Variants in KDM4C observed in about 807,000 individuals in gnomAD.
KDM4C encodes the protein lysine demethylase 4C.
A neutral mutation model predicts 129.3 loss-of-function variants in KDM4C; 81 were observed. That is an observed-to-expected ratio of 0.63 (90% CI 0.52 to 0.75). The LOEUF is 0.75. KDM4C is among the 30% of genes least tolerant of loss of function. The pLI is 0.00. For synonymous variants in KDM4C, 573 were observed against 456.1 expected (o/e 1.26, Z -3.26); for missense variants, 1,457 against 1,304.0 (o/e 1.12, Z -1.81).
At chr9:7,083,092 G>A (rs1364802792) in intron 17 of KDM4C, among the ~76,000 whole-genome samples, 2 of 152,130 alleles carry the variant, frequency 1.3e-5, no homozygotes, top group East Asian at 1.9e-4. Context: ...AACAGTTCAG[G>A]AACATTTCCT....
At chr9:7,161,252 AGGAATT>A (rs1843755232) in intron 19 of KDM4C, among the ~76,000 whole-genome samples, 1 of 152,136 alleles carries the variant, frequency 6.6e-6, no homozygotes, top group Non-Finnish European at 1.5e-5. Context: ...TCCCTTGGCT[AGGAATT>A]GGAAATCCCC....
intron 19 of KDM4C, among the ~76,000 whole-genome samples, chr9:7,140,940 G>C (rs1258634367): frequency 1.3e-5 from 2 of 152,176 alleles, no homozygotes; most frequent in African/African-American, 4.8e-5. Flanking sequence ...GATCTGTAAG[G>C]TGAGTTCACT....
Position 6,758,752 on chromosome 9 carries a change from T to C in KDM4C, c.-18+549T>C, listed in dbSNP as rs1818800449. 6.6e-6 allele frequency among the ~76,000 whole-genome samples: 1 copy of C among 152,220 alleles called. No individual in the cohort carries two copies. The highest frequency in any genetic ancestry group is 2.4e-5 in the African/African-American group (1 of 41,466). Reference sequence around the variant, plus strand: ...GTTTCTTTCCCCCGGCATGGGGCCATTTCTTCCTGCAGTGCCTGGAGGAAC... The same window carrying C: ...GTTTCTTTCCCCCGGCATGGGGCCACTTCTTCCTGCAGTGCCTGGAGGAAC... On this transcript the variant is annotated intron_variant, in intron 1 of 21. Coordinates refer to ENST00000381309, the MANE Select transcript of KDM4C (RefSeq NM_015061.6). The surrounding 1 kb of genome is among the most constrained non-coding windows in gnomAD (Gnocchi z 4.6).
At chr9:7,001,486 A>C (rs1187302338) in intron 12 of KDM4C, among the ~76,000 whole-genome samples, 1 of 152,230 alleles carries the variant, frequency 6.6e-6, no homozygotes, top group Non-Finnish European at 1.5e-5. Flanking sequence ...TGACAGGACC[A>C]TGTAATGTAT....
chr9:6,813,228 A>G, intron 3 of KDM4C, among the ~76,000 whole-genome samples: 1 of 152,194 alleles, frequency 6.6e-6, no homozygotes, highest in East Asian at 1.9e-4. Context: ...TTTAGAAAAT[A>G]GAGGGTCTCA....
chr9:7,057,219 G>T (rs530100937), intron 17 of KDM4C, among the ~76,000 whole-genome samples: 1 of 152,144 alleles, frequency 6.6e-6, no homozygotes, highest in East Asian at 1.9e-4. Context: ...TTCATACTTG[G>T]AGTTAGAATT....
chr9:6,933,178 A>C (rs898315047), intron 8 of KDM4C, among the ~76,000 whole-genome samples: 1 of 152,246 alleles, frequency 6.6e-6, no homozygotes, highest in Non-Finnish European at 1.5e-5. Flanking sequence ...TCTATTGGAC[A>C]TTCTGGAATT....
chr9:7,060,920 C>A (rs975653993), intron 17 of KDM4C, among the ~76,000 whole-genome samples: 5 of 152,178 alleles, frequency 3.3e-5, no homozygotes, highest in African/African-American at 1.2e-4. Context: ...TTCCTCTTCC[C>A]CTACTGTCCT....
At chr9:6,793,993 AT>A (rs1827250184) in intron 2 of KDM4C, among the ~76,000 whole-genome samples, 6 of 152,138 alleles carry the variant, frequency 3.9e-5, no homozygotes, top group Admixed American at 3.3e-4. Flanking sequence ...CATTTTCATC[AT>A]CCCCCAAAGA....
At chr9:6,862,793 C>T (rs150367810) in intron 5 of KDM4C, among the ~76,000 whole-genome samples, 2,422 of 150,294 alleles carry the variant, frequency 0.016, 64 homozygotes, top group African/African-American at 0.054. Context: ...GGTGACAGAG[C>T]GAGACTTTGT....
chr9:6,881,267 G>A (rs1439253459), intron 6 of KDM4C, among the ~76,000 whole-genome samples: 2 of 152,062 alleles, frequency 1.3e-5, no homozygotes, highest in Non-Finnish European at 2.9e-5. Flanking sequence ...ATTTTAAGAA[G>A]CATTATTATA....
intron 8 of KDM4C, among the ~76,000 whole-genome samples, chr9:6,955,737 C>T (rs1828950714): frequency 6.6e-6 from 1 of 152,146 alleles, no homozygotes; most frequent in Non-Finnish European, 1.5e-5. Context: ...AGTACCAAGT[C>T]AGTTAACTCA....
intron 12 of KDM4C, 133 bp downstream of exon 12, chr9:6,990,657 A>G (rs929223228): frequency 6.6e-6 from 4 of 608,332 alleles, no homozygotes; most frequent in Non-Finnish European, 1.2e-5. Context: ...ATCATACATA[A>G]TAAATAATTT....
intron 17 of KDM4C, among the ~76,000 whole-genome samples, chr9:7,091,375 A>G (rs961904252): frequency 6.6e-6 from 1 of 152,138 alleles, no homozygotes; most frequent in Admixed American, 6.5e-5. Flanking sequence ...AGAGTACAAT[A>G]CTTTTTCCAC....
chr9:6,943,895 C>T (rs909452090), intron 8 of KDM4C, among the ~76,000 whole-genome samples: 7 of 152,118 alleles, frequency 4.6e-5, no homozygotes, highest in African/African-American at 1.7e-4. Flanking sequence ...GTTTCTCATG[C>T]TTGCTAAATT....
intron 1 of KDM4C, among the ~76,000 whole-genome samples, chr9:6,780,073 A>G (rs1470059013): frequency 6.6e-6 from 1 of 152,072 alleles, no homozygotes; most frequent in Non-Finnish European, 1.5e-5. Flanking sequence ...GATACCATAC[A>G]TTCTCTCTAA....
intron 2 of KDM4C, among the ~76,000 whole-genome samples, chr9:6,794,896 T>C (rs1406672462): frequency 1.3e-5 from 2 of 152,214 alleles, no homozygotes; most frequent in Non-Finnish European, 2.9e-5. Flanking sequence ...TATGATATAA[T>C]TCATCGTCCA....
intron 12 of KDM4C, among the ~76,000 whole-genome samples, chr9:7,003,193 A>C (rs1304835540): frequency 6.6e-6 from 1 of 152,142 alleles, no homozygotes; most frequent in African/African-American, 2.4e-5. Context: ...CAACCTCCCA[A>C]AATAGCTAGA....
Position 7,011,977 on chromosome 9 carries a change from C to G in KDM4C, c.1968+98C>G, listed in dbSNP as rs536974093. Reference sequence around the variant, plus strand: ...TAAATTGTTGTGGGCTTCCTTTGCACATAAGAAGGAAGACGTCCTTAGGTA... The same window carrying G: ...TAAATTGTTGTGGGCTTCCTTTGCAGATAAGAAGGAAGACGTCCTTAGGTA... On this transcript the variant is annotated intron_variant, in intron 13 of 21. Transcript: ENST00000381309. 3 of 994,148 alleles carry G rather than the reference C, an allele frequency of 3.0e-6. No homozygotes were observed. The Admixed American group carries it at 7.1e-5, about 24-fold the overall frequency. 61.6% of individuals were successfully genotyped at this position (994,148 alleles called of 1,614,324 possible). A position where few individuals can be genotyped will look rare whatever the true frequency, so the allele number is the denominator to read the frequency against.
Sources: allele counts gnomAD v4.1 joint callset (sites outside exome capture counted in the v4.1 genomes callset), GRCh38; gene constraint gnomAD v4.1.1; non-coding constraint Gnocchi (gnomAD v3.1); transcripts MANE v1.5; gene names NCBI Gene and HGNC (gene_info 2026-07-23, HGNC 2026-07-21).